Variants in GPR157 observed in about 807,000 individuals in gnomAD.
GPR157 encodes the protein G protein-coupled receptor 157, also known as G-protein coupled receptor 157.
In GPR157, 16 loss-of-function variants were observed where a neutral mutation model predicts 23.5. The ratio of observed to expected loss-of-function variants is 0.68; its 90% CI spans 0.46 to 1.04. GPR157 has a LOEUF of 1.04. GPR157 is among the 50% of genes least tolerant of loss of function. GPR157 has a pLI of 0.00. For synonymous variants in GPR157, 200 were observed against 221.5 expected, an observed-to-expected ratio of 0.90 and a Z score of 0.86; for missense variants, 440 against 460.7, an observed-to-expected ratio of 0.96 and a Z score of 0.41.
chr1:9,124,044 G>C (rs1022373954), intron 1 of GPR157, among the ~76,000 whole-genome samples: 3 of 151,762 alleles, frequency 2.0e-5, no homozygotes, highest in African/African-American at 4.8e-5. Context: ...TGCCCAGGCT[G>C]GTCTCAAACT....
chr1:9,106,762 G>A (rs1038472964), intron 2 of GPR157, among the ~76,000 whole-genome samples: 1 of 152,278 alleles, frequency 6.6e-6, no homozygotes, highest in South Asian at 2.1e-4. Context: ...TCAGGAGTTC[G>A]AGACCAGACT....
Position 9,123,304 on chromosome 1 carries a change from TTTAAA to T in GPR157, c.383+5336_383+5340del, listed in dbSNP as rs1557700730. On this transcript the variant is annotated intron_variant, in intron 1 of 3. Transcript: ENST00000377411. ...TATATTTAAATTAATATATATTTAA[TTTAAA>T]TATATATTAAAATATATATATTTAA... 2.7e-4 allele frequency among the ~76,000 whole-genome samples: 14 copies of T among 51,280 alleles called. No individual in the cohort carries two copies. In the East Asian group the frequency reaches 4.3e-3, roughly 16 times the overall value. 33.6% of individuals were successfully genotyped at this position (51,280 alleles called of 152,430 possible).
chr1:9,128,073 A>G lies in GPR157; in HGVS notation c.383+572T>C, dbSNP rs1639002632. On this transcript the variant is annotated intron_variant, in intron 1 of 3. Coordinates refer to ENST00000377411, the MANE Select transcript of GPR157 (RefSeq NM_024980.5). This position sits in a 1 kb window ranked among gnomAD's most constrained non-coding sequence, Gnocchi z 6.3. ...GAACTCTGGAAAGTCAAGATCATCTAGAACAGAAATACAAGGGGCTGGGGC... is the reference window on the plus strand; with the variant it reads ...GAACTCTGGAAAGTCAAGATCATCTGGAACAGAAATACAAGGGGCTGGGGC... Among the ~76,000 whole-genome samples the G allele has an allele frequency of 6.6e-6, 1 of 152,214 alleles. No homozygotes were observed. Among genetic ancestry groups the G allele is most frequent in the African/African-American group, 2.4e-5 (1 of 41,464 alleles).
intron 2 of GPR157, 124 bp downstream of exon 2, chr1:9,111,152 C>T: frequency 1.2e-6 from 1 of 813,798 alleles, no homozygotes; most frequent in Non-Finnish European, 2.1e-6. Context: ...TCCCCTCTGG[C>T]CCATCACTGG....
At chr1:9,124,761 T>C (rs2124531523) in intron 1 of GPR157, among the ~76,000 whole-genome samples, 2 of 152,348 alleles carry the variant, frequency 1.3e-5, no homozygotes. Flanking sequence ...TCATAGGTTA[T>C]GGAAAGACTG....
At chr1:9,126,895 AT>A (rs1386110631) in intron 1 of GPR157, among the ~76,000 whole-genome samples, 4 of 151,364 alleles carry the variant, frequency 2.6e-5, no homozygotes, top group African/African-American at 9.7e-5. Context: ...TTTTTCCTTC[AT>A]TTTTTAAAAA....
At chr1:9,111,997 T>C (rs1431489435) in intron 1 of GPR157, among the ~76,000 whole-genome samples, 1 of 152,182 alleles carries the variant, frequency 6.6e-6, no homozygotes, top group African/African-American at 2.4e-5. Flanking sequence ...GAGTTTTGTA[T>C]ACATGTGTGT....
rs369928818 is a variant in GPR157, at chr1:9,104,574, C to T, written c.853G>A (p.Ala285Thr). 32 of 1,613,518 alleles carry T rather than the reference C, an allele frequency of 2.0e-5. No individual in the cohort carries two copies. Among genetic ancestry groups the T allele is most frequent in the Middle Eastern group, 3.3e-4 (2 of 6,072 alleles). The change falls in exon 4 of 4, where the codon GCC (alanine) becomes ACC (threonine). Residue 285 changes from alanine to threonine, a missense_variant. Transcript: ENST00000377411. ...NCIMFVLCTR[A>T]VRTRLFSLCC... ...AGAGAGAAGAGCCGAGTTCGGACGG[C>T]GCGGGTGCAGAGGACGAACATGATG...
At chr1:9,119,847 G>A (rs1024666141) in intron 1 of GPR157, among the ~76,000 whole-genome samples, 5 of 152,162 alleles carry the variant, frequency 3.3e-5, no homozygotes, top group African/African-American at 1.2e-4. Context: ...AAGTACTGCC[G>A]GGGATTAGCC....
chr1:9,114,462 T>A (rs562786944), intron 1 of GPR157, among the ~76,000 whole-genome samples: 5 of 152,188 alleles, frequency 3.3e-5, no homozygotes, highest in Admixed American at 3.3e-4. Flanking sequence ...GAGCACTGTA[T>A]GTAGGAACAG....
At chr1:9,110,102 A>C (rs1638446932) in intron 2 of GPR157, among the ~76,000 whole-genome samples, 1 of 152,150 alleles carries the variant, frequency 6.6e-6, no homozygotes, top group South Asian at 2.1e-4. Context: ...CACTCCTCAC[A>C]TTGAATCTTT....
At chr1:9,124,387 C>T (rs1173589393) in intron 1 of GPR157, among the ~76,000 whole-genome samples, 1 of 152,184 alleles carries the variant, frequency 6.6e-6, no homozygotes, top group African/African-American at 2.4e-5. Flanking sequence ...AATGAGCCAA[C>T]AGCGCGTGAT....
rs868673121 is a variant in GPR157 at position 9,105,068 on chromosome 1, C to T, written c.792+418G>A. On this transcript the variant is annotated intron_variant, in intron 3 of 3. Coordinates refer to ENST00000377411, the MANE Select transcript of GPR157 (RefSeq NM_024980.5). This position sits in a 1 kb window ranked among gnomAD's most constrained non-coding sequence, Gnocchi z 4.8. ...ACACACACACACACACACACACACACATGCATACACACATGCATACATGCA... is the reference window on the plus strand; with the variant it reads ...ACACACACACACACACACACACACATATGCATACACACATGCATACATGCA... Among the ~76,000 whole-genome samples, 13 of 144,472 alleles carry T rather than the reference C, an allele frequency of 9.0e-5. No individual in the cohort carries two copies. Among genetic ancestry groups the T allele is most frequent in the East Asian group, 2.2e-4 (1 of 4,576 alleles). 94.8% of individuals were successfully genotyped at this position (144,472 alleles called of 152,430 possible).
rs1371012441 is a variant in GPR157, at chr1:9,100,954, G to C, written c.*3465C>G. 1 of 152,180 alleles carries C rather than the reference G, an allele frequency of 6.6e-6. No homozygotes were observed. Among genetic ancestry groups the C allele is most frequent in the South Asian group, 2.1e-4 (1 of 4,830 alleles). 9.4% of individuals were successfully genotyped at this position (152,180 alleles called of 1,614,324 possible). A position where few individuals can be genotyped will look rare whatever the true frequency, so the allele number is the denominator to read the frequency against. On this transcript the variant is annotated 3_prime_UTR_variant, in exon 4 of 4. Transcript: ENST00000377411. ...GTGGAGGCTGCAGTGAGCCATGATT[G>C]CATCACTGCACTCCAGACTGGGTAT...
chr1:9,129,090 G>GC lies in GPR157; in HGVS notation c.-64dup. ...GAAGCCGGGCCGCGCGTGCGGCCACGCCGCCGCCGTCTGGGCACCGAGGCG... is the reference window on the plus strand; with the variant it reads ...GAAGCCGGGCCGCGCGTGCGGCCACGCCCGCCGCCGTCTGGGCACCGAGGCG... On this transcript the variant is annotated 5_prime_UTR_variant, in exon 1 of 4. Transcript: ENST00000377411. The GC allele has an allele frequency of 8.3e-7, 1 of 1,199,876 alleles. No homozygotes were observed. Among genetic ancestry groups the GC allele is most frequent in the African/African-American group, 1.6e-5 (1 of 62,896 alleles). The allele number at this position is 1,199,876 out of a possible 1,614,324, so 74.3% of individuals were successfully genotyped here.
At position 9,124,365 on chromosome 1, in the gene GPR157, T is replaced by C. The variant is rs372670120; in HGVS notation, c.383+4280A>G. ...AGGATTGTGTAAAGACAATGCCAGG[T>C]TGGACTGCCAGAATGAGCCAACAGC... On this transcript the variant is annotated intron_variant, in intron 1 of 3. Coordinates refer to ENST00000377411, the MANE Select transcript of GPR157 (RefSeq NM_024980.5). Among the ~76,000 whole-genome samples, 8 of 152,090 alleles carry C rather than the reference T, an allele frequency of 5.3e-5. No individual in the cohort carries two copies. The East Asian group carries it at 1.3e-3, about 26-fold the overall frequency.
Position 9,121,980 on chromosome 1 carries a change from C to A in GPR157, c.383+6665G>T, listed in dbSNP as rs534886218. 4.2e-4 allele frequency among the ~76,000 whole-genome samples: 64 copies of A among 152,306 alleles called. 1 individual carries two copies. Among genetic ancestry groups the A allele is most frequent in the African/African-American group, 1.5e-3 (62 of 41,566 alleles). ...GCTGTCCCGACCCTTTAGCAGCCCC[C>A]CTATGCTCACAGGCCATACAGCTGA... On this transcript the variant is annotated intron_variant, in intron 1 of 3. Coordinates refer to ENST00000377411, the MANE Select transcript of GPR157 (RefSeq NM_024980.5).
At chr1:9,112,914 T>C (rs1340700251) in intron 1 of GPR157, among the ~76,000 whole-genome samples, 2 of 152,096 alleles carry the variant, frequency 1.3e-5, no homozygotes, top group Non-Finnish European at 2.9e-5. Context: ...GTTAAGAGCT[T>C]GGATTTTAGT....
rs1268424405 is a variant in GPR157 at position 9,128,188 on chromosome 1, T to C, written c.383+457A>G. 1 of 440,504 alleles carries C rather than the reference T, an allele frequency of 2.3e-6. No individual in the cohort carries two copies. The highest frequency in any genetic ancestry group is 2.0e-5 in the African/African-American group (1 of 50,084). 27.3% of individuals were successfully genotyped at this position (440,504 alleles called of 1,614,324 possible). A position where few individuals can be genotyped will look rare whatever the true frequency, so the allele number is the denominator to read the frequency against. On this transcript the variant is annotated intron_variant, in intron 1 of 3. Transcript: ENST00000377411. This position sits in a 1 kb window ranked among gnomAD's most constrained non-coding sequence, Gnocchi z 6.3. ...ACACGGCAGCTCGGGAGTGGCGGAG[T>C]GCACCAAGCTCACTGTGGCTTGGGG...
Sources: gnomAD v4.1 joint callset for allele counts (sites outside exome capture counted in the v4.1 genomes callset) on GRCh38, gnomAD v4.1.1 for gene constraint, Gnocchi (gnomAD v3.1) non-coding constraint, MANE v1.5 for transcripts, NCBI Gene and HGNC (gene_info 2026-07-23, HGNC 2026-07-21) for gene names.